Variants in TNS3 observed in about 807,000 individuals in gnomAD.
The protein encoded by TNS3 is tensin-3.
In TNS3, 45 loss-of-function variants were observed where a neutral mutation model predicts 140.9. The observed-to-expected ratio is 0.32, with a 90% confidence interval of 0.25 to 0.41. The LOEUF (loss-of-function observed/expected upper bound fraction) is 0.41. TNS3 is among the 10% of genes least tolerant of loss of function. The probability of loss-of-function intolerance (pLI) is 1.00; values close to 1 mark genes in which losing one functional copy is unlikely to be tolerated. For missense variants in TNS3, 1,716 were observed against 1,906.7 expected (o/e 0.90, Z 1.86); for synonymous variants, 815 against 788.4 (o/e 1.03, Z -0.56).
intron 4 of TNS3, among the ~76,000 whole-genome samples, chr7:47,457,374 A>G (rs1162714578): frequency 1.3e-5 from 2 of 152,004 alleles, no homozygotes; most frequent in African/African-American, 4.8e-5. Context: ...GATGCCCTTG[A>G]TATCTAATTG....
At chr7:47,513,782 G>A (rs1320781143) in intron 2 of TNS3, among the ~76,000 whole-genome samples, 3 of 152,190 alleles carry the variant, frequency 2.0e-5, no homozygotes, top group African/African-American at 7.2e-5. Flanking sequence ...CGTCTGAGCT[G>A]GTGTGTGGCA....
intron 20 of TNS3, among the ~76,000 whole-genome samples, chr7:47,344,334 T>C (rs953995485): frequency 1.3e-5 from 2 of 152,072 alleles, no homozygotes; most frequent in Non-Finnish European, 2.9e-5. Flanking sequence ...CACCCACTAA[T>C]AACAGACAGG....
intron 4 of TNS3, among the ~76,000 whole-genome samples, chr7:47,469,707 C>A (rs1796867792): frequency 6.6e-6 from 1 of 152,156 alleles, no homozygotes; most frequent in Admixed American, 6.5e-5. Context: ...GGCACGGTGG[C>A]TCACGCCTGT....
At chr7:47,336,151 C>T (rs1788617945) in intron 20 of TNS3, among the ~76,000 whole-genome samples, 1 of 149,134 alleles carries the variant, frequency 6.7e-6, no homozygotes, top group South Asian at 2.1e-4. Flanking sequence ...ACTTCAGCCT[C>T]TATTCTTCAT....
intron 13 of TNS3, among the ~76,000 whole-genome samples, chr7:47,411,066 T>C (rs1443122807): frequency 6.6e-6 from 1 of 152,222 alleles, no homozygotes; most frequent in Non-Finnish European, 1.5e-5. Flanking sequence ...ATTCTATTTC[T>C]GCACCCACAC....
At chr7:47,289,347 C>T (rs981107305) in intron 27 of TNS3, among the ~76,000 whole-genome samples, 9 of 152,268 alleles carry the variant, frequency 5.9e-5, no homozygotes, top group South Asian at 2.1e-4. Context: ...GCATGAAAAA[C>T]TTAAAACAGT....
chr7:47,301,166 C>T (rs1158766756), intron 23 of TNS3, among the ~76,000 whole-genome samples: 1 of 152,182 alleles, frequency 6.6e-6, no homozygotes, highest in African/African-American at 2.4e-5. Flanking sequence ...GGGTCTCCTG[C>T]TGACTGCGGG....
At chr7:47,523,142 A>T (rs909766509) in intron 2 of TNS3, among the ~76,000 whole-genome samples, 50 of 152,220 alleles carry the variant, frequency 3.3e-4, no homozygotes, top group African/African-American at 1.2e-3. Flanking sequence ...TTCCTGGTTC[A>T]TAGATGGTGC....
At chr7:47,290,064 G>C (rs1295441916) in intron 27 of TNS3, among the ~76,000 whole-genome samples, 1 of 152,152 alleles carries the variant, frequency 6.6e-6, no homozygotes, top group Non-Finnish European at 1.5e-5. Context: ...TAAAGAACTC[G>C]AAAGTAGACC....
At chr7:47,299,001 G>C (rs1786220781) in intron 23 of TNS3, among the ~76,000 whole-genome samples, 1 of 152,234 alleles carries the variant, frequency 6.6e-6, no homozygotes, top group Non-Finnish European at 1.5e-5. Flanking sequence ...GCCCATGCAA[G>C]GGACCCAGGG....
intron 4 of TNS3, among the ~76,000 whole-genome samples, chr7:47,458,199 A>T (rs998672778): frequency 1.3e-5 from 2 of 152,202 alleles, no homozygotes; most frequent in African/African-American, 4.8e-5. Flanking sequence ...CTGGTTAGTC[A>T]GCTGAGGCCA....
intron 2 of TNS3, among the ~76,000 whole-genome samples, chr7:47,521,542 C>T (rs1798979615): frequency 1.3e-5 from 2 of 152,196 alleles, no homozygotes; most frequent in Non-Finnish European, 2.9e-5. Context: ...CCCCAGTGAA[C>T]ATCCGGATGG....
intron 2 of TNS3, among the ~76,000 whole-genome samples, chr7:47,510,838 G>A (rs1213972349): frequency 1.4e-5 from 2 of 147,256 alleles, no homozygotes; most frequent in African/African-American, 5.0e-5. Context: ...TCGTGCCCTG[G>A]GTGACAGAGT....
intron 20 of TNS3, among the ~76,000 whole-genome samples, chr7:47,342,383 G>A (rs921442525): frequency 6.6e-6 from 1 of 152,198 alleles, no homozygotes; most frequent in Non-Finnish European, 1.5e-5. Flanking sequence ...ATGATACGCA[G>A]TTAAGCATTA....
intron 7 of TNS3, among the ~76,000 whole-genome samples, chr7:47,436,082 GA>G (rs1795167337): frequency 6.6e-6 from 1 of 152,292 alleles, no homozygotes; most frequent in East Asian, 1.9e-4. Flanking sequence ...ATCTTATGAT[GA>G]AAGTCGTAGA....
At chr7:47,346,098 G>T in intron 18 of TNS3, 89 bp downstream of exon 18, 1 of 1,523,314 alleles carries the variant, frequency 6.6e-7, no homozygotes, top group South Asian at 1.2e-5. Context: ...TCAGGGACAA[G>T]GCCTGGTCAT....
chr7:47,525,321 C>T (rs1381850513), intron 2 of TNS3, among the ~76,000 whole-genome samples: 1 of 152,210 alleles, frequency 6.6e-6, no homozygotes. Flanking sequence ...GGCCACGGGG[C>T]CACCACACTG....
chr7:47,437,304 G>C lies in TNS3; in HGVS notation c.160C>G (p.Leu54Val), dbSNP rs1467220912. ...GTAAGGTCATATCTCTTTTCTGAAA[G>C]GTTTAATACCTATAAAAGAGAGGAA... Reference protein sequence around the residue: ...KHGDNYLVLNLSEKRYDLTKL... With the variant: ...KHGDNYLVLNVSEKRYDLTKL... The change falls in exon 7 of 31, where the codon CTT becomes GTT. Residue 54 changes from leucine to valine, a missense_variant. Transcript: ENST00000311160. The C allele has an allele frequency of 4.6e-6, 7 of 1,507,696 alleles. No individual in the cohort carries two copies. The highest frequency in any genetic ancestry group is 6.2e-6 in the Non-Finnish European group (7 of 1,131,658). The allele number at this position is 1,507,696 out of a possible 1,614,324, so 93.4% of individuals were successfully genotyped here.
At chr7:47,408,538 G>A (rs1489767209) in intron 13 of TNS3, among the ~76,000 whole-genome samples, 2 of 152,130 alleles carry the variant, frequency 1.3e-5, no homozygotes, top group Admixed American at 6.5e-5. Flanking sequence ...AGTCTGGTCC[G>A]ATAGAGGAAA....
Sources: gnomAD v4.1 joint callset for allele counts (sites outside exome capture counted in the v4.1 genomes callset) on GRCh38, gnomAD v4.1.1 for gene constraint, MANE v1.5 for transcripts, NCBI Gene and HGNC (gene_info 2026-07-23, HGNC 2026-07-21) for gene names.